CADM2: variants seen among roughly 807,000 people sequenced by gnomAD.
CADM2 encodes the protein cell adhesion molecule 2.
Under a neutral mutation model 49.8 loss-of-function variants are expected in CADM2, and 12 were observed. The observed-to-expected ratio is 0.24, with a 90% confidence interval of 0.15 to 0.39. The LOEUF (loss-of-function observed/expected upper bound fraction) is 0.39. CADM2 is among the 10% of genes least tolerant of loss of function. The pLI is 1.00. For synonymous variants in CADM2, 214 were observed against 175.4 expected, an observed-to-expected ratio of 1.22 and a Z score of -1.74; for missense variants, 378 against 492.3, an observed-to-expected ratio of 0.77 and a Z score of 2.20.
At chr3:85,491,986 T>A (rs2039696304) in intron 1 of CADM2, among the ~76,000 whole-genome samples, 1 of 151,588 alleles carries the variant, frequency 6.6e-6, no homozygotes, top group Non-Finnish European at 1.5e-5. Flanking sequence ...AACTCCAAGT[T>A]GTCTGTAAGG....
chr3:85,753,346 A>AG (rs1270308384), intron 2 of CADM2, among the ~76,000 whole-genome samples: 1 of 152,132 alleles, frequency 6.6e-6, no homozygotes, highest in Non-Finnish European at 1.5e-5. Context: ...GTAAAAGAAA[A>AG]TAAGTATCAG....
intron 1 of CADM2, among the ~76,000 whole-genome samples, chr3:85,411,059 T>A (rs2035633500): frequency 6.6e-6 from 1 of 152,206 alleles, no homozygotes; most frequent in African/African-American, 2.4e-5. Flanking sequence ...ACTAGTGCAC[T>A]CTGAAGTACA....
At chr3:85,603,033 A>G (rs749461879) in intron 1 of CADM2, among the ~76,000 whole-genome samples, 1 of 151,790 alleles carries the variant, frequency 6.6e-6, no homozygotes, top group Non-Finnish European at 1.5e-5. Context: ...AGTGTCTTTC[A>G]TATCTCTAAT....
chr3:85,521,986 CA>C (rs1369649795), intron 1 of CADM2, among the ~76,000 whole-genome samples: 1 of 151,988 alleles, frequency 6.6e-6, no homozygotes, highest in Non-Finnish European at 1.5e-5. Context: ...AAAAGATTTT[CA>C]CAGGTCTCTG....
At chr3:84,964,233 A>AAT (rs2030799765) in intron 1 of CADM2, among the ~76,000 whole-genome samples, 1 of 152,198 alleles carries the variant, frequency 6.6e-6, no homozygotes, top group South Asian at 2.1e-4. Context: ...TAAAGAAAAA[A>AAT]ATACTTAAAT....
rs1490132289 is a variant in CADM2, at chr3:85,394,450, G to T, written c.62-332072G>T. ...TAAATGTTTGTATTATTGGAGCAGG[G>T]TTAAAAATAACCTTAGAATTTTCTG... is the stretch of plus-strand genomic sequence containing the variant. On this transcript the variant is annotated intron_variant, in intron 1 of 9. Coordinates refer to ENST00000383699, the MANE Select transcript of CADM2 (RefSeq NM_001167675.2). Among the ~76,000 whole-genome samples, 5 of 152,064 alleles carry T rather than the reference G, an allele frequency of 3.3e-5. No homozygotes were observed. The East Asian group carries it at 9.7e-4, about 29-fold the overall frequency.
intron 1 of CADM2, among the ~76,000 whole-genome samples, chr3:85,464,184 T>A (rs2038384697): frequency 6.6e-6 from 1 of 152,078 alleles, no homozygotes; most frequent in African/African-American, 2.4e-5. Flanking sequence ...ACATGCAAAA[T>A]TTTTTTCTTT....
chr3:85,863,856 A>G (rs190661669), intron 3 of CADM2, among the ~76,000 whole-genome samples: 3 of 152,330 alleles, frequency 2.0e-5, no homozygotes, highest in Admixed American at 2.0e-4. Context: ...GGCTTGAATG[A>G]CAATGAAAGT....
chr3:86,033,633 T>A (rs1252737381), intron 8 of CADM2, among the ~76,000 whole-genome samples: 1 of 149,146 alleles, frequency 6.7e-6, no homozygotes, highest in Non-Finnish European at 1.5e-5. Flanking sequence ...GTCTTCCTTA[T>A]GGGCTTCTGA....
At chr3:85,356,238 GT>G (rs1393180366) in intron 1 of CADM2, among the ~76,000 whole-genome samples, 1 of 152,018 alleles carries the variant, frequency 6.6e-6, no homozygotes, top group Admixed American at 6.6e-5. Context: ...ATTCAGGGAT[GT>G]TTTTCTGTAT....
chr3:85,063,109 A>T lies in CADM2; in HGVS notation c.61+103441A>T, dbSNP rs1253025690. Among the ~76,000 whole-genome samples the T allele has an allele frequency of 2.6e-5, 4 of 152,042 alleles. No individual in the cohort carries two copies. In the East Asian group the frequency reaches 5.8e-4, roughly 22 times the overall value. On this transcript the variant is annotated intron_variant, in intron 1 of 9. Coordinates refer to ENST00000383699, the MANE Select transcript of CADM2 (RefSeq NM_001167675.2). ...ATTGTACTATTAAATAATAATTTTT[A>T]GGTTTTTTATGTAATTGCAGTGTTA...
At chr3:85,074,033 C>T (rs1313588796) in intron 1 of CADM2, among the ~76,000 whole-genome samples, 3 of 152,020 alleles carry the variant, frequency 2.0e-5, no homozygotes, top group South Asian at 2.1e-4. Context: ...AAAAAATTCC[C>T]GGTTGCATTA....
intron 2 of CADM2, among the ~76,000 whole-genome samples, chr3:85,791,544 AAGAGAG>A (rs71112119): frequency 7.6e-4 from 76 of 99,996 alleles, no homozygotes; most frequent in South Asian, 3.5e-3. Flanking sequence ...GAGAGAGAGA[AAGAGAG>A]AGAGAGAGAG....
At chr3:85,877,531 G>A (rs563101018) in intron 3 of CADM2, among the ~76,000 whole-genome samples, 97 of 152,062 alleles carry the variant, frequency 6.4e-4, no homozygotes, top group Non-Finnish European at 1.2e-3. Flanking sequence ...TTGGGAAACC[G>A]TAAGGTAAAA....
chr3:85,324,456 C>T lies in CADM2; in HGVS notation c.61+364788C>T, dbSNP rs560700819. Among the ~76,000 whole-genome samples, 4 of 152,062 alleles carry T rather than the reference C, an allele frequency of 2.6e-5. No individual in the cohort carries two copies. In the South Asian group the frequency reaches 6.2e-4, roughly 24 times the overall value. ...GAATTTTAACAAGGACTCTGCATGCCGTCTGAAAAAAGTACATCACCAAAA... is the reference window on the plus strand; with the variant it reads ...GAATTTTAACAAGGACTCTGCATGCTGTCTGAAAAAAGTACATCACCAAAA... On this transcript the variant is annotated intron_variant, in intron 1 of 9. Coordinates refer to ENST00000383699, the MANE Select transcript of CADM2 (RefSeq NM_001167675.2).
At chr3:84,996,480 A>G (rs1163831094) in intron 1 of CADM2, among the ~76,000 whole-genome samples, 2 of 152,102 alleles carry the variant, frequency 1.3e-5, no homozygotes, top group Non-Finnish European at 2.9e-5. Context: ...TAAAAAGGGA[A>G]AACTAAATTC....
chr3:86,056,134 TCTC>T (rs1161020742), intron 8 of CADM2, among the ~76,000 whole-genome samples: 5 of 152,168 alleles, frequency 3.3e-5, no homozygotes, highest in Admixed American at 2.0e-4. Flanking sequence ...ACACAGGTAA[TCTC>T]CTCATGGAAA....
At chr3:85,620,215 T>C (rs984382195) in intron 1 of CADM2, among the ~76,000 whole-genome samples, 1 of 152,098 alleles carries the variant, frequency 6.6e-6, no homozygotes, top group Non-Finnish European at 1.5e-5. Flanking sequence ...ATCTTTGTCA[T>C]TTACTGTTTA....
At chr3:85,082,303 T>C (rs2037194418) in intron 1 of CADM2, among the ~76,000 whole-genome samples, 1 of 152,188 alleles carries the variant, frequency 6.6e-6, no homozygotes, top group Admixed American at 6.6e-5. Context: ...TTATTACATA[T>C]TATGTCTTAC....
Sources: gnomAD v4.1 joint callset for allele counts (sites outside exome capture counted in the v4.1 genomes callset) on GRCh38, gnomAD v4.1.1 for gene constraint, MANE v1.5 for transcripts, NCBI Gene and HGNC (gene_info 2026-07-23, HGNC 2026-07-21) for gene names.